Variants in PTPRD observed in about 807,000 individuals in gnomAD.
PTPRD encodes the protein receptor-type tyrosine-protein phosphatase delta.
PTPRD carries 34 observed loss-of-function variants against 214.5 expected under a neutral mutation model. That is an observed-to-expected ratio of 0.16 (90% CI 0.12 to 0.21). The LOEUF is 0.21. PTPRD is among the 10% of genes least tolerant of loss of function. PTPRD has a pLI of 1.00. For missense variants in PTPRD, 2,545 were observed against 2,398.7 expected (o/e 1.06, Z -1.27); for synonymous variants, 1,128 against 845.7 (o/e 1.33, Z -5.79).
intron 14 of PTPRD, among the ~76,000 whole-genome samples, chr9:8,600,289 C>A (rs1440797838): frequency 6.6e-6 from 1 of 152,200 alleles, no homozygotes; most frequent in Non-Finnish European, 1.5e-5. Context: ...CCATCACAGG[C>A]TGAAGCACTC....
At chr9:9,900,159 C>A (rs1043942957) in intron 5 of PTPRD, among the ~76,000 whole-genome samples, 1 of 152,200 alleles carries the variant, frequency 6.6e-6, no homozygotes, top group African/African-American at 2.4e-5. Flanking sequence ...CCTTCCTTCC[C>A]TACCACATGC....
intron 8 of PTPRD, among the ~76,000 whole-genome samples, chr9:9,430,600 T>G (rs2082714739): frequency 6.6e-6 from 1 of 152,022 alleles, no homozygotes; most frequent in African/African-American, 2.4e-5. Context: ...GCCAAGACAA[T>G]CCTAAGCCAA....
chr9:10,444,675 ACT>A (rs1239177231), intron 2 of PTPRD, among the ~76,000 whole-genome samples: 1 of 151,612 alleles, frequency 6.6e-6, no homozygotes, highest in African/African-American at 2.4e-5. Context: ...TTATTTGGAA[ACT>A]CTTATGATTC....
At chr9:10,063,886 G>A (rs888160683) in intron 3 of PTPRD, among the ~76,000 whole-genome samples, 7 of 151,972 alleles carry the variant, frequency 4.6e-5, no homozygotes, top group African/African-American at 1.4e-4. Context: ...CCAGTGGATA[G>A]TCCTCAAATT....
chr9:9,874,177 G>A (rs1287770313), intron 5 of PTPRD, among the ~76,000 whole-genome samples: 3 of 152,162 alleles, frequency 2.0e-5, no homozygotes, highest in African/African-American at 7.2e-5. Context: ...ACAGAAGCCT[G>A]TCAAGGGGAC....
intron 5 of PTPRD, among the ~76,000 whole-genome samples, chr9:9,914,344 C>T (rs150285816): frequency 6.6e-6 from 1 of 152,192 alleles, no homozygotes; most frequent in African/African-American, 2.4e-5. Context: ...AGTGGGCACA[C>T]CCATGGGCCA....
intron 3 of PTPRD, among the ~76,000 whole-genome samples, chr9:10,306,911 C>A (rs533572787): frequency 6.6e-6 from 1 of 152,048 alleles, no homozygotes; most frequent in African/African-American, 2.4e-5. Context: ...TAAAACCCTA[C>A]GGTAGAAACA....
chr9:9,825,448 A>G (rs2052466565), intron 5 of PTPRD, among the ~76,000 whole-genome samples: 1 of 151,768 alleles, frequency 6.6e-6, no homozygotes, highest in Non-Finnish European at 1.5e-5. Flanking sequence ...GAAGAAAGAA[A>G]GAGAAAGAGA....
intron 12 of PTPRD, among the ~76,000 whole-genome samples, chr9:8,706,117 G>C (rs2098201675): frequency 6.6e-6 from 1 of 152,028 alleles, no homozygotes; most frequent in Admixed American, 6.6e-5. Flanking sequence ...AGCCAATTAT[G>C]AATTTTATTA....
chr9:8,733,909 T>G lies in PTPRD; in HGVS notation c.-66A>C. The G allele has an allele frequency of 6.8e-7, 1 of 1,480,998 alleles. No homozygotes were observed. Among genetic ancestry groups the G allele is most frequent in the Non-Finnish European group, 9.2e-7 (1 of 1,090,258 alleles). The allele number at this position is 1,480,998 out of a possible 1,614,324, so 91.7% of individuals were successfully genotyped here. A position where few individuals can be genotyped will look rare whatever the true frequency, so the allele number is the denominator to read the frequency against. On this transcript the variant is annotated 5_prime_UTR_variant, in exon 12 of 46. Coordinates refer to ENST00000381196, the MANE Select transcript of PTPRD (RefSeq NM_002839.4). The stretch of plus-strand genomic sequence containing the variant: ...ACTGCCTCCGGAGCCGCAGCGAGTC[T>G]GTCCGATCTGAAATTTCAGCTGGAA...
chr9:10,128,754 C>A (rs2098837935), intron 3 of PTPRD, among the ~76,000 whole-genome samples: 1 of 152,104 alleles, frequency 6.6e-6, no homozygotes, highest in African/African-American at 2.4e-5. Context: ...AGTTTCACAA[C>A]CATCACAAAC....
At chr9:8,341,557 T>G (rs1852483276) in intron 40 of PTPRD, 136 bp downstream of exon 40, 1 of 1,073,838 alleles carries the variant, frequency 9.3e-7, no homozygotes, top group Non-Finnish European at 1.3e-6. Context: ...GAATACATTT[T>G]ATAATCATAC....
intron 6 of PTPRD, among the ~76,000 whole-genome samples, chr9:9,754,167 A>C (rs2098547424): frequency 6.6e-6 from 1 of 152,082 alleles, no homozygotes; most frequent in African/African-American, 2.4e-5. Context: ...TGTTCTGTGA[A>C]ACAGAATTAA....
chr9:9,473,704 T>G (rs931656136), intron 8 of PTPRD, among the ~76,000 whole-genome samples: 2 of 152,180 alleles, frequency 1.3e-5, no homozygotes, highest in South Asian at 4.1e-4. Context: ...CACTGTGGTT[T>G]TTATTTTCAT....
intron 8 of PTPRD, among the ~76,000 whole-genome samples, chr9:9,452,743 T>C (rs2145366234): frequency 6.6e-6 from 1 of 151,428 alleles, no homozygotes; most frequent in South Asian, 2.1e-4. Context: ...ATAATTATAA[T>C]ATGAAGTTCA....
intron 7 of PTPRD, among the ~76,000 whole-genome samples, chr9:9,671,079 C>G (rs1467357166): frequency 1.3e-5 from 2 of 152,174 alleles, no homozygotes; most frequent in Non-Finnish European, 2.9e-5. Context: ...AATGCCAGCT[C>G]ATGAAAGCAG....
At chr9:8,747,439 A>G (rs2092951379) in intron 11 of PTPRD, among the ~76,000 whole-genome samples, 1 of 152,188 alleles carries the variant, frequency 6.6e-6, no homozygotes, top group Non-Finnish European at 1.5e-5. Flanking sequence ...TTGGCTGTAC[A>G]GAAACCTAAA....
chr9:10,519,962 A>G (rs1193779605), intron 2 of PTPRD, among the ~76,000 whole-genome samples: 2 of 152,120 alleles, frequency 1.3e-5, no homozygotes, highest in Non-Finnish European at 2.9e-5. Flanking sequence ...CCTAATTACC[A>G]AAAACCACCT....
chr9:10,499,326 A>G (rs2042986241), intron 2 of PTPRD, among the ~76,000 whole-genome samples: 1 of 151,900 alleles, frequency 6.6e-6, no homozygotes, highest in Admixed American at 6.6e-5. Flanking sequence ...TTAATGTATA[A>G]TAAAAAAGAG....
Sources: gnomAD v4.1 joint callset for allele counts (sites outside exome capture counted in the v4.1 genomes callset) on GRCh38, gnomAD v4.1.1 for gene constraint, MANE v1.5 for transcripts, NCBI Gene and HGNC (gene_info 2026-07-23, HGNC 2026-07-21) for gene names.